Variants in ATRNL1 observed in about 807,000 individuals in gnomAD.
The protein encoded by ATRNL1 is attractin-like protein 1.
ATRNL1 carries 95 observed loss-of-function variants against 182.7 expected under a neutral mutation model. That is an observed-to-expected ratio of 0.52 (90% confidence interval 0.44 to 0.62). The LOEUF (loss-of-function observed/expected upper bound fraction) is 0.62, where lower values mean the gene tolerates loss of function less well. Among genes scored for constraint, ATRNL1 ranks in the 20% least tolerant of loss-of-function variants. ATRNL1 has a pLI of 0.00. For synonymous variants in ATRNL1, 576 were observed against 568.3 expected, an observed-to-expected ratio of 1.01 and a Z score of -0.19; for missense variants, 1,471 against 1,679.5, an observed-to-expected ratio of 0.88 and a Z score of 2.17.
At chr10:115,343,391 T>C (rs1855836727) in intron 19 of ATRNL1, among the ~76,000 whole-genome samples, 1 of 152,158 alleles carries the variant, frequency 6.6e-6, no homozygotes, top group African/African-American at 2.4e-5. Flanking sequence ...TTCTTCTGCT[T>C]GATTAATTCT....
chr10:115,564,447 T>G (rs185044534), intron 26 of ATRNL1, among the ~76,000 whole-genome samples: 77 of 151,008 alleles, frequency 5.1e-4, no homozygotes, highest in African/African-American at 1.9e-3. Flanking sequence ...TGAAGATAAT[T>G]TTTTTCTTAT....
At chr10:115,719,857 C>T (rs928086062) in intron 26 of ATRNL1, among the ~76,000 whole-genome samples, 7 of 141,442 alleles carry the variant, frequency 4.9e-5, no homozygotes, top group Admixed American at 3.2e-4. Context: ...CCCCCCCACA[C>T]ACTCTTTTTT....
At chr10:115,578,494 C>A (rs1854865554) in intron 26 of ATRNL1, among the ~76,000 whole-genome samples, 1 of 151,390 alleles carries the variant, frequency 6.6e-6, no homozygotes, top group African/African-American at 2.4e-5. Context: ...TGCATGTTTC[C>A]AGGAATTTAT....
intron 24 of ATRNL1, among the ~76,000 whole-genome samples, chr10:115,481,623 T>A (rs1450443165): frequency 6.6e-6 from 1 of 150,924 alleles, no homozygotes; most frequent in Non-Finnish European, 1.5e-5. Context: ...CTCACACTTC[T>A]TTATTTTACT....
chr10:115,185,067 C>T (rs1847891319), intron 8 of ATRNL1, among the ~76,000 whole-genome samples: 1 of 151,860 alleles, frequency 6.6e-6, no homozygotes, highest in Non-Finnish European at 1.5e-5. Flanking sequence ...ATGGGGGAGT[C>T]AAGGAAGAAT....
chr10:115,726,252 G>T (rs1475511723), intron 26 of ATRNL1, among the ~76,000 whole-genome samples: 1 of 152,166 alleles, frequency 6.6e-6, no homozygotes, highest in African/African-American at 2.4e-5. Context: ...AACATTTTAA[G>T]TAAATGACAG....
chr10:115,460,236 A>C (rs1258767893), intron 21 of ATRNL1, among the ~76,000 whole-genome samples: 1 of 152,128 alleles, frequency 6.6e-6, no homozygotes, highest in African/African-American at 2.4e-5. Context: ...GATAACTTAC[A>C]AATTGTTATC....
intron 28 of ATRNL1, among the ~76,000 whole-genome samples, chr10:115,861,400 C>T (rs74992293): frequency 1.3e-5 from 2 of 152,148 alleles, no homozygotes; most frequent in Admixed American, 1.3e-4. Context: ...ACTTTTCTTA[C>T]CTGTGCATGT....
At chr10:115,250,081 G>A (rs1483292898) in intron 10 of ATRNL1, among the ~76,000 whole-genome samples, 1 of 152,082 alleles carries the variant, frequency 6.6e-6, no homozygotes, top group Non-Finnish European at 1.5e-5. Context: ...CATAGGGAGG[G>A]GTGTTGATGT....
intron 26 of ATRNL1, among the ~76,000 whole-genome samples, chr10:115,562,606 C>T (rs551055541): frequency 1.3e-5 from 2 of 152,186 alleles, no homozygotes; most frequent in South Asian, 2.1e-4. Flanking sequence ...ATCATGAGGG[C>T]CGTTTCCCCC....
chr10:115,326,111 C>T (rs190829870), intron 18 of ATRNL1, among the ~76,000 whole-genome samples: 6 of 152,106 alleles, frequency 3.9e-5, no homozygotes, highest in East Asian at 3.9e-4. Flanking sequence ...AGGAAATAAA[C>T]GGTGTTCAAT....
At chr10:115,725,692 T>C (rs782435881) in intron 26 of ATRNL1, among the ~76,000 whole-genome samples, 88 of 151,972 alleles carry the variant, frequency 5.8e-4, no homozygotes, top group Non-Finnish European at 6.9e-4. Context: ...TTGGTGTGTG[T>C]GTTTTTACCA....
intron 3 of ATRNL1, among the ~76,000 whole-genome samples, chr10:115,122,550 A>G (rs1399508217): frequency 1.3e-5 from 2 of 151,872 alleles, no homozygotes; most frequent in Admixed American, 1.3e-4. Flanking sequence ...ATGTTCTGTC[A>G]TTGCTGGAAA....
intron 26 of ATRNL1, among the ~76,000 whole-genome samples, chr10:115,666,567 T>C (rs1328890321): frequency 6.6e-6 from 1 of 152,156 alleles, no homozygotes; most frequent in African/African-American, 2.4e-5. Context: ...CTCACTGCTA[T>C]AGCTATGCCT....
chr10:115,150,679 A>G (rs1272849739), intron 5 of ATRNL1, among the ~76,000 whole-genome samples: 2 of 151,812 alleles, frequency 1.3e-5, no homozygotes, highest in African/African-American at 4.8e-5. Context: ...GTTTTATTTC[A>G]TTGTGGTTTC....
chr10:115,923,762 A>G (rs565914616), intron 28 of ATRNL1, among the ~76,000 whole-genome samples: 3 of 152,338 alleles, frequency 2.0e-5, no homozygotes, highest in South Asian at 2.1e-4. Context: ...TACTTTGGGT[A>G]TATACCCAGT....
intron 19 of ATRNL1, among the ~76,000 whole-genome samples, chr10:115,378,298 C>T (rs754653855): frequency 2.6e-5 from 4 of 152,106 alleles, no homozygotes; most frequent in Admixed American, 6.5e-5. Context: ...GTAACAGACA[C>T]GCCCATCTGT....
At chr10:115,310,484 AT>A (rs567899490) in intron 17 of ATRNL1, among the ~76,000 whole-genome samples, 17 of 152,070 alleles carry the variant, frequency 1.1e-4, no homozygotes, top group Middle Eastern at 3.4e-3. Flanking sequence ...TGGCTGGCAA[AT>A]TGGTATTACT....
At chr10:115,226,832 G>A (rs1264929889) in intron 9 of ATRNL1, among the ~76,000 whole-genome samples, 1 of 152,070 alleles carries the variant, frequency 6.6e-6, no homozygotes, top group Non-Finnish European at 1.5e-5. Flanking sequence ...ATGAGGAAAG[G>A]ACTCCCTATT....
Sources: gnomAD v4.1 joint callset for allele counts (sites outside exome capture counted in the v4.1 genomes callset) on GRCh38, gnomAD v4.1.1 for gene constraint, MANE v1.5 for transcripts, NCBI Gene and HGNC (gene_info 2026-07-23, HGNC 2026-07-21) for gene names.